The following IDH2 variants were observed in gnomAD, a reference collection of about 807,000 sequenced individuals.
IDH2 encodes isocitrate dehydrogenase [NADP], mitochondrial.
Under a neutral mutation model 50.5 loss-of-function variants are expected in IDH2, and 18 were observed. The observed-to-expected ratio is 0.36, with a 90% confidence interval of 0.25 to 0.53. The LOEUF (loss-of-function observed/expected upper bound fraction) is 0.53, where lower values mean the gene tolerates loss of function less well. Among genes scored for constraint, IDH2 ranks in the 20% least tolerant of loss-of-function variants. The pLI, the probability that IDH2 is intolerant of heterozygous loss-of-function variation, is 0.92. For missense variants in IDH2, 518 were observed against 610.7 expected (o/e 0.85, Z 1.60); for synonymous variants, 280 against 239.8 (o/e 1.17, Z -1.55).
chr15:90,097,678 G>C, intron 1 of IDH2, among the ~76,000 whole-genome samples: 1 of 120,014 alleles, frequency 8.3e-6, no homozygotes, highest in South Asian at 2.4e-4. Flanking sequence ...CGGGAAGTGG[G>C]GAGGTATTGT....
chr15:90,101,873 C>T (rs1567261507), intron 1 of IDH2, among the ~76,000 whole-genome samples: 2 of 152,040 alleles, frequency 1.3e-5, no homozygotes, highest in Non-Finnish European at 2.9e-5. Context: ...CCCTCCCTCT[C>T]GCCAGGGGAG....
At position 90,085,034 on chromosome 15, in the gene IDH2, C is replaced by T. The variant is rs1402492889; in HGVS notation, c.1145G>A (p.Arg382Gln). The T allele has an allele frequency of 1.2e-6, 2 of 1,613,968 alleles. No individual in the cohort carries two copies. The highest frequency in any genetic ancestry group is 1.7e-5 in the Admixed American group (1 of 60,030). ...GTCTTGGTTCCCATCCAGCTTCCCC[C>T]GGTGCTCCAGGCCACGTGTCCAGGC... ...IFAWTRGLEH[R>Q]GKLDGNQDLI... Residue 382 changes from arginine to glutamine, a missense_variant, in exon 9 of 11, where the codon CGG (arginine) becomes CAG (glutamine). Physicochemically the swap from Arg to Gln is conservative, Grantham distance 43 (BLOSUM62 1). This residue lies in a region of IDH2 where 135 missense variants were observed against 167.6 expected (regional missense o/e 0.81). Coordinates refer to ENST00000330062, the MANE Select transcript of IDH2 (RefSeq NM_002168.4). The surrounding 1 kb of genome is among the most constrained non-coding windows in gnomAD (Gnocchi z 5.5).
chr15:90,091,770 T>C, intron 1 of IDH2, 126 bp from the exon 2 acceptor site: 1 of 793,214 alleles, frequency 1.3e-6, no homozygotes, highest in Non-Finnish European at 2.2e-6. Flanking sequence ...CTGCCCGGTG[T>C]CCACTCCCCC....
At chr15:90,093,367 C>T (rs1433429894) in intron 1 of IDH2, among the ~76,000 whole-genome samples, 1 of 152,200 alleles carries the variant, frequency 6.6e-6, no homozygotes, top group Non-Finnish European at 1.5e-5. Flanking sequence ...CCCTGCAATT[C>T]TATGAGCTAC....
chr15:90,083,155 C>CA lies in IDH2; in HGVS notation c.*1110dup, dbSNP rs1950876091. Reference sequence around the variant, plus strand: ...TTTTTTTTTTTTTTTTTTTTTGAGACAGAGTCTTGCTCTGTCACCCAGGCT... The same window carrying CA: ...TTTTTTTTTTTTTTTTTTTTTGAGACAAGAGTCTTGCTCTGTCACCCAGGCT... On this transcript the variant is annotated 3_prime_UTR_variant, in exon 11 of 11. Transcript: ENST00000330062. The CA allele has an allele frequency of 1.5e-5, 1 of 68,032 alleles. No homozygotes were observed. Among genetic ancestry groups the CA allele is most frequent in the South Asian group, 4.9e-4 (1 of 2,034 alleles). The allele number at this position is 68,032 out of a possible 1,614,324, so 4.2% of individuals were successfully genotyped here.
In IDH2 at chr15:90,085,359, G is replaced by A. The variant is rs61737003; in HGVS notation, c.996C>T (p.Ser332=). 39,205 of 1,557,252 alleles carry A rather than the reference G, an allele frequency of 0.025. 1,945 individuals carry two copies. Among genetic ancestry groups the A allele is most frequent in the African/African-American group, 0.21 (15,461 of 73,548 alleles). The change falls in exon 8 of 11, where the codon TCC becomes TCT. Residue 332 remains serine, a synonymous_variant. Transcript: ENST00000330062. The surrounding 1 kb of genome is among the most constrained non-coding windows in gnomAD (Gnocchi z 5.5). ...TCTTCCCATCAGGGCAGACCAGGACGGACGTCATCAGGCCAAGGGAGCCAA... is the reference window on the plus strand; with the variant it reads ...TCTTCCCATCAGGGCAGACCAGGACAGACGTCATCAGGCCAAGGGAGCCAA... ...QGFGSLGLMT[S]VLVCPDGKTI... is the part of the protein sequence containing the mutation.
Position 90,100,552 on chromosome 15 carries a change from G to A in IDH2, c.115+1724C>T, listed in dbSNP as rs57446376. 1.5e-3 allele frequency: 1,325 copies of A among 863,434 alleles called. 15 individuals carry two copies. The African/African-American group carries it at 0.022, about 15-fold the overall frequency. The allele number at this position is 863,434 out of a possible 1,614,324, so 53.5% of individuals were successfully genotyped here. A position where few individuals can be genotyped will look rare whatever the true frequency, so the allele number is the denominator to read the frequency against. On this transcript the variant is annotated intron_variant, in intron 1 of 10. Transcript: ENST00000330062. The surrounding 1 kb of genome is among the most constrained non-coding windows in gnomAD (Gnocchi z 4.1). Reference sequence around the variant, plus strand: ...ACTGAGCCGTTCACAGAACTGGTCCGCACTGCCCCAAGCTCTAACTTACCA... The same window carrying A: ...ACTGAGCCGTTCACAGAACTGGTCCACACTGCCCCAAGCTCTAACTTACCA...
rs1900941133 is a variant in IDH2 at position 90,088,649 on chromosome 15, G to A, written c.472C>T (p.Pro158Ser). 2 of 1,614,054 alleles carry A rather than the reference G, an allele frequency of 1.2e-6. No individual in the cohort carries two copies. Among genetic ancestry groups the A allele is most frequent in the Admixed American group, 1.7e-5 (1 of 59,992 alleles). The change falls in exon 4 of 11, where the codon CCA (proline) becomes TCA (serine). Residue 158 changes from proline (P) to serine (S), a missense_variant. By Grantham distance (74) the Pro-to-Ser change is moderately conservative (BLOSUM62 -1). This residue lies in a region of IDH2 where 207 missense variants were observed against 208.6 expected (regional missense o/e 0.99). Coordinates refer to ENST00000330062, the MANE Select transcript of IDH2 (RefSeq NM_002168.4). ...TTGGTCCAGCCAGGGACTAGGCGTG[G>A]GATGTTTTTGCAGATGATGGGCTCC... ...FREPIICKNI[P>S]RLVPGWTKPI...
chr15:90,098,561 T>TGTATGTATGTATGTA lies in IDH2; in HGVS notation c.115+3714_115+3715insTACATACATACATAC, dbSNP rs35007981. Among the ~76,000 whole-genome samples the TGTATGTATGTATGTA allele has an allele frequency of 6.6e-6, 1 of 152,048 alleles. No individual in the cohort carries two copies. The highest frequency in any genetic ancestry group is 2.4e-5 in the African/African-American group (1 of 41,412). On this transcript the variant is annotated intron_variant, in intron 1 of 10. Transcript: ENST00000330062. This position sits in a 1 kb window ranked among gnomAD's most constrained non-coding sequence, Gnocchi z 5.1. ...ATGTATGTATGTATGTATGTATGTA[T>TGTATGTATGTATGTA]TGAGACAGAGTCTCACTCTGTCGCC...
At chr15:90,089,474 G>A (rs772008152) in intron 3 of IDH2, among the ~76,000 whole-genome samples, 21 of 152,120 alleles carry the variant, frequency 1.4e-4, no homozygotes, top group Non-Finnish European at 2.4e-4. Context: ...CACATGCTCC[G>A]GTCCTGGCCC....
At position 90,102,422 on chromosome 15, in the gene IDH2, A is replaced by C; in HGVS notation, c.-32T>G. 1 of 1,197,454 alleles carries C rather than the reference A, an allele frequency of 8.4e-7. No homozygotes were observed. Among genetic ancestry groups the C allele is most frequent in the Non-Finnish European group, 1.1e-6 (1 of 935,344 alleles). 74.2% of individuals were successfully genotyped at this position (1,197,454 alleles called of 1,614,324 possible). Reference sequence around the variant, plus strand: ...CTGGAGAGCGAACGAGCAGGGCGGGAGAGGTCCGAGCGCGCGCCGCTCCTC... The same window carrying C: ...CTGGAGAGCGAACGAGCAGGGCGGGCGAGGTCCGAGCGCGCGCCGCTCCTC... On this transcript the variant is annotated 5_prime_UTR_variant, in exon 1 of 11. Transcript: ENST00000330062.
chr15:90,086,996 G>C (rs1452677016), intron 7 of IDH2, 116 bp downstream of exon 7: 1 of 1,117,364 alleles, frequency 8.9e-7, no homozygotes, highest in African/African-American at 1.5e-5. Context: ...GTCCACAGAG[G>C]ACCCTGCAAT....
chr15:90,088,767 A>G lies in IDH2; in HGVS notation c.374-20T>C, dbSNP rs2151549992. 4 of 1,613,764 alleles carry G rather than the reference A, an allele frequency of 2.5e-6. No individual in the cohort carries two copies. The highest frequency in any genetic ancestry group is 3.4e-6 in the Non-Finnish European group (4 of 1,179,976). Reference sequence around the variant, plus strand: ...TGAACTCTGTGAGGACAGAGATAATAGTGGTCCCACTGCAGCCGCCATCTT... The same window carrying G: ...TGAACTCTGTGAGGACAGAGATAATGGTGGTCCCACTGCAGCCGCCATCTT... On this transcript the variant is annotated intron_variant, in intron 3 of 10. Transcript: ENST00000330062.
At chr15:90,089,035 C>T (rs541880196) in intron 3 of IDH2, among the ~76,000 whole-genome samples, 1 of 151,706 alleles carries the variant, frequency 6.6e-6, no homozygotes, top group Non-Finnish European at 1.5e-5. Context: ...CTGCCTCAGC[C>T]TCCCGAGCAG....
rs1901305338 is a variant in IDH2, at chr15:90,100,661, A to G, written c.115+1615T>C. The G allele has an allele frequency of 1.0e-6, 1 of 985,310 alleles. No homozygotes were observed. The highest frequency in any genetic ancestry group is 1.2e-6 in the Non-Finnish European group (1 of 829,794). The allele number at this position is 985,310 out of a possible 1,614,324, so 61.0% of individuals were successfully genotyped here. A position where few individuals can be genotyped will look rare whatever the true frequency, so the allele number is the denominator to read the frequency against. On this transcript the variant is annotated intron_variant, in intron 1 of 10. Coordinates refer to ENST00000330062, the MANE Select transcript of IDH2 (RefSeq NM_002168.4). This position sits in a 1 kb window ranked among gnomAD's most constrained non-coding sequence, Gnocchi z 4.1. The stretch of plus-strand genomic sequence containing the variant: ...GCAGGAATTACCAGGCAGCAAAGAC[A>G]CGGGGCTCTTTTAGCCCCAAAATAT...
intron 1 of IDH2, among the ~76,000 whole-genome samples, chr15:90,097,923 T>C (rs1157044321): frequency 6.6e-6 from 1 of 152,118 alleles, no homozygotes; most frequent in Non-Finnish European, 1.5e-5. Context: ...ATGGCAAGGA[T>C]GGGCTGGGCT....
chr15:90,102,165 G>T, intron 1 of IDH2, 111 bp downstream of exon 1: 1 of 396,372 alleles, frequency 2.5e-6, no homozygotes, highest in Non-Finnish European at 4.1e-6. Context: ...GCCTGACCCC[G>T]CCGTCCCCGG....
chr15:90,092,445 G>A (rs1399501514), intron 1 of IDH2, among the ~76,000 whole-genome samples: 2 of 149,332 alleles, frequency 1.3e-5, no homozygotes, highest in African/African-American at 5.0e-5. Context: ...CTGTTCCATT[G>A]GTCAGGCTGG....
At chr15:90,086,980 C>CCCT in intron 7 of IDH2, 132 bp downstream of exon 7, 1 of 958,756 alleles carries the variant, frequency 1.0e-6, no homozygotes, top group Admixed American at 1.8e-5. Context: ...GCTCCTGCCC[C>CCCT]CTGCTGTCCA....
Sources: allele counts gnomAD v4.1 joint callset (sites outside exome capture counted in the v4.1 genomes callset), GRCh38; gene constraint gnomAD v4.1.1; regional missense constraint gnomAD v4.1.1; non-coding constraint Gnocchi (gnomAD v3.1); transcripts MANE v1.5; gene names NCBI Gene and HGNC (gene_info 2026-07-23, HGNC 2026-07-21).